NOTCH3: variants seen among roughly 807,000 people sequenced by gnomAD.
The protein encoded by NOTCH3 is neurogenic locus notch homolog protein 3.
Under a neutral mutation model 213.3 loss-of-function variants are expected in NOTCH3, and 86 were observed. The observed-to-expected ratio is 0.40, with a 90% confidence interval of 0.34 to 0.48. NOTCH3 has a LOEUF of 0.48. NOTCH3 is among the 20% of genes least tolerant of loss of function. The probability of loss-of-function intolerance (pLI) is 0.57; values close to 1 mark genes in which losing one functional copy is unlikely to be tolerated. For missense variants in NOTCH3, 2,783 were observed against 3,272.6 expected (o/e 0.85, Z 3.65); for synonymous variants, 1,354 against 1,355.9 (o/e 1.00, Z 0.03).
chr19:15,185,105 T>C lies in NOTCH3; in HGVS notation c.2297-86A>G. ...CCCCCCACCTCCCCCAACCCCAGGGTCCCCACCTTGATACCCACCTCCCAA... is the reference window on the plus strand; with the variant it reads ...CCCCCCACCTCCCCCAACCCCAGGGCCCCCACCTTGATACCCACCTCCCAA... On this transcript the variant is annotated intron_variant, in intron 14 of 32. Transcript: ENST00000263388. The surrounding 1 kb of genome is among the most constrained non-coding windows in gnomAD (Gnocchi z 4.2). 1 of 1,233,370 alleles carries C rather than the reference T, an allele frequency of 8.1e-7. No homozygotes were observed. The highest frequency in any genetic ancestry group is 2.2e-5 in the Admixed American group (1 of 45,836). The allele number at this position is 1,233,370 out of a possible 1,614,324, so 76.4% of individuals were successfully genotyped here.
rs2145428834 is a variant in NOTCH3, at chr19:15,184,998, G to A, written c.2318C>T (p.Ser773Phe). The part of the protein sequence containing the change: ...GVQGRQCELL[S>F]PCTPNPCEHG... ...CTCACAGGGGTTCGGGGTGCAGGGGGAGAGGAGTTCACACTGACGTCCTGT... is the reference window on the plus strand; with the variant it reads ...CTCACAGGGGTTCGGGGTGCAGGGGAAGAGGAGTTCACACTGACGTCCTGT... The change falls in exon 15 of 33, where the codon TCC (serine) becomes TTC (phenylalanine). Residue 773 changes from serine to phenylalanine, a missense_variant. By Grantham distance (155) the Ser-to-Phe change is radical (BLOSUM62 -2). This residue lies in a region of NOTCH3 where 861 missense variants were observed against 909.1 expected (regional missense o/e 0.95). Coordinates refer to ENST00000263388, the MANE Select transcript of NOTCH3 (RefSeq NM_000435.3). 6.5e-7 allele frequency: 1 copy of A among 1,528,792 alleles called. No individual in the cohort carries two copies. Among genetic ancestry groups the A allele is most frequent in the Non-Finnish European group, 8.8e-7 (1 of 1,131,746 alleles). The allele number at this position is 1,528,792 out of a possible 1,614,324, so 94.7% of individuals were successfully genotyped here. A position where few individuals can be genotyped will look rare whatever the true frequency, so the allele number is the denominator to read the frequency against.
intron 1 of NOTCH3, among the ~76,000 whole-genome samples, chr19:15,198,614 G>A (rs1184929730): frequency 6.6e-6 from 1 of 152,206 alleles, no homozygotes; most frequent in Non-Finnish European, 1.5e-5. Context: ...AGCTGGGCAT[G>A]GTAGCAGGTG....
chr19:15,183,550 C>T (rs2046856817), intron 16 of NOTCH3, among the ~76,000 whole-genome samples: 1 of 152,222 alleles, frequency 6.6e-6, no homozygotes, highest in African/African-American at 2.4e-5. Flanking sequence ...CAGGCATGCG[C>T]CACCATGCCC....
Position 15,188,236 on chromosome 19 carries a change from C to A in NOTCH3, c.1491G>T (p.Ser497=), listed in dbSNP as rs1317484674. 6.3e-7 allele frequency: 1 copy of A among 1,591,424 alleles called. No individual in the cohort carries two copies. The highest frequency in any genetic ancestry group is 8.6e-7 in the Non-Finnish European group (1 of 1,166,948). The change falls in exon 9 of 33, where the codon TCG becomes TCT. Residue 497 remains serine, a splice_region_variant and synonymous_variant. Transcript: ENST00000263388. ...GGCTCCCTCTCCTGAGGTCCTCACC[C>A]GAGGGGCAGGTGCAGCTGAAGCCAT... ...RVNGFSCTCP[S]GFSGSTCQLD...
intron 24 of NOTCH3, 123 bp downstream of exon 24, chr19:15,177,402 T>G: frequency 2.4e-6 from 2 of 835,054 alleles, no homozygotes; most frequent in Non-Finnish European, 4.0e-6. Context: ...GATGGGCAGA[T>G]AGAGTGCACA....
chr19:15,185,389 G>C lies in NOTCH3; in HGVS notation c.2164C>G (p.Pro722Ala), dbSNP rs755670543. ...CTGCAGCGGGGGCCACTCCAGCCAGGCTCACACACACAGCGGAACCTGGCA... is the reference window on the plus strand; with the variant it reads ...CTGCAGCGGGGGCCACTCCAGCCAGCCTCACACACACAGCGGAACCTGGCA... ...APGGFRCVCEPGWSGPRCSQS... is the reference protein window; with the variant it reads ...APGGFRCVCEAGWSGPRCSQS... Residue 722 changes from proline (P) to alanine (A), a missense_variant, in exon 14 of 33, where the codon CCT becomes GCT. Physicochemically the swap from Pro to Ala is conservative, Grantham distance 27. Around this residue, in one of 6 missense-constraint regions of NOTCH3, gnomAD observed 861 missense variants for 909.1 expected, o/e 0.95. Coordinates refer to ENST00000263388, the MANE Select transcript of NOTCH3 (RefSeq NM_000435.3). The surrounding 1 kb of genome is among the most constrained non-coding windows in gnomAD (Gnocchi z 4.2). 6.2e-7 allele frequency: 1 copy of C among 1,612,262 alleles called. No homozygotes were observed. Among genetic ancestry groups the C allele is most frequent in the South Asian group, 1.1e-5 (1 of 90,984 alleles).
chr19:15,168,293 G>A (rs1016106840), intron 28 of NOTCH3, among the ~76,000 whole-genome samples: 3 of 152,128 alleles, frequency 2.0e-5, no homozygotes, highest in Non-Finnish European at 4.4e-5. Flanking sequence ...CTTTGGGATG[G>A]GAAGGCAGAA....
At position 15,178,008 on chromosome 19, in the gene NOTCH3, G is replaced by T; in HGVS notation, c.3920C>A (p.Thr1307Lys). Residue 1307 changes from threonine (T) to lysine (K), a missense_variant, in exon 24 of 33, where the codon ACG becomes AAG. By Grantham distance (78) the Thr-to-Lys change is moderately conservative. Coordinates refer to ENST00000263388, the MANE Select transcript of NOTCH3 (RefSeq NM_000435.3). The stretch of plus-strand genomic sequence containing the variant: ...GCAGGCGCAGCGCGGCCCGCGGGGC[G>T]TCTGCTGGCATGGGACGCCCACCGG... The part of the protein sequence containing the change: ...QCPVGVPCQQ[T>K]PRGPRCACPP... 7.5e-6 allele frequency: 11 copies of T among 1,470,934 alleles called. No individual in the cohort carries two copies. The highest frequency in any genetic ancestry group is 9.9e-6 in the Non-Finnish European group (11 of 1,114,472). The allele number at this position is 1,470,934 out of a possible 1,614,324, so 91.1% of individuals were successfully genotyped here.
rs1270771520 is a variant in NOTCH3 at position 15,189,372 on chromosome 19, T to C, written c.1093A>G (p.Ile365Val). The change falls in exon 7 of 33, where the codon ATC becomes GTC. Residue 365 changes from isoleucine (I) to valine (V), a missense_variant. Ile to Val is a conservative substitution (Grantham distance 29, BLOSUM62 3). Around this residue, in one of 6 missense-constraint regions of NOTCH3, gnomAD observed 708 missense variants for 906.6 expected, o/e 0.78. Coordinates refer to ENST00000263388, the MANE Select transcript of NOTCH3 (RefSeq NM_000435.3). ...CCGTTCACCGGATTTGTGTCACAGA[T>C]AGCATCCTCGTGGCAGGGGTTGCTG... ...CVSNPCHEDA[I>V]CDTNPVNGRA... 3 of 1,613,914 alleles carry C rather than the reference T, an allele frequency of 1.9e-6. No individual in the cohort carries two copies. In the South Asian group the frequency reaches 3.3e-5, roughly 18 times the overall value.
At position 15,200,327 on chromosome 19, in the gene NOTCH3, GC is replaced by G. The variant is rs941460893; in HGVS notation, c.118+460del. Among the ~76,000 whole-genome samples, 10 of 150,794 alleles carry G rather than the reference GC, an allele frequency of 6.6e-5. No homozygotes were observed. In the East Asian group the frequency reaches 8.1e-4, roughly 12 times the overall value. ...GAGTTCAGAGCTCCCAGAACTTCGC[GC>G]CCCCTCCCCACCCCCCGCCTGGCCC... On this transcript the variant is annotated intron_variant, in intron 1 of 32. Transcript: ENST00000263388.
chr19:15,185,731 C>A lies in NOTCH3; in HGVS notation c.1952-52G>T, dbSNP rs766316985. On this transcript the variant is annotated intron_variant, in intron 12 of 32. Transcript: ENST00000263388. The surrounding 1 kb of genome is among the most constrained non-coding windows in gnomAD (Gnocchi z 4.2). ...TCAGAACAAAGTCAGCAGGGACAAC[C>A]AGGGAGGGACGACGTGACCCCACTT... 5 of 1,588,132 alleles carry A rather than the reference C, an allele frequency of 3.1e-6. No individual in the cohort carries two copies. The highest frequency in any genetic ancestry group is 1.7e-4 in the Middle Eastern group (1 of 5,878).
At chr19:15,180,365 C>T in intron 19 of NOTCH3, 109 bp from the exon 20 acceptor site, 1 of 1,215,054 alleles carries the variant, frequency 8.2e-7, no homozygotes, top group Non-Finnish European at 1.2e-6. Flanking sequence ...CCCAGGATCG[C>T]ACCCACACTC....
intron 6 of NOTCH3, 81 bp from the exon 7 acceptor site, chr19:15,189,509 CGTT>C (rs1169174966): frequency 2.3e-5 from 36 of 1,534,746 alleles, no homozygotes; most frequent in Non-Finnish European, 3.0e-5. Context: ...ATTGTTTTGT[CGTT>C]GTTGTTGTTT....
chr19:15,195,528 G>C (rs1349091993), intron 2 of NOTCH3, among the ~76,000 whole-genome samples: 1 of 150,842 alleles, frequency 6.6e-6, no homozygotes, highest in African/African-American at 2.4e-5. Context: ...AGACGCCTGA[G>C]ACTGAACTCA....
chr19:15,193,001 A>G lies in NOTCH3; in HGVS notation c.198-482T>C, dbSNP rs112272452. 3.4e-3 allele frequency among the ~76,000 whole-genome samples: 525 copies of G among 152,314 alleles called. 1 individual carries two copies. Among genetic ancestry groups the G allele is most frequent in the African/African-American group, 0.012 (488 of 41,564 alleles). On this transcript the variant is annotated intron_variant, in intron 2 of 32. Transcript: ENST00000263388. ...ACTACGTTCTGAGCAATACAAATAC[A>G]GCAACAAACACAATGAAAGGGGTCC...
Position 15,165,329 on chromosome 19 carries a change from CACCAACCCAGCTTAG to C in NOTCH3, c.5815+24_5815+38del. On this transcript the variant is annotated intron_variant, in intron 31 of 32. Transcript: ENST00000263388. This position sits in a 1 kb window ranked among gnomAD's most constrained non-coding sequence, Gnocchi z 4.7. ...AACATGACCCTCAGGGCCCAGGTGA[CACCAACCCAGCTTAG>C]ACTTGATTCCTCTGCCAACCTACCA... 2 of 1,597,690 alleles carry C rather than the reference CACCAACCCAGCTTAG, an allele frequency of 1.3e-6. No individual in the cohort carries two copies. Among genetic ancestry groups the C allele is most frequent in the South Asian group, 2.2e-5 (2 of 91,006 alleles).
intron 1 of NOTCH3, among the ~76,000 whole-genome samples, chr19:15,197,858 C>A (rs996410241): frequency 1.1e-4 from 17 of 149,192 alleles, no homozygotes; most frequent in Admixed American, 9.7e-4. Flanking sequence ...GATGTGGGGG[C>A]TCGGGAAGCT....
intron 24 of NOTCH3, among the ~76,000 whole-genome samples, chr19:15,175,330 C>CG (rs1480343840): frequency 0.16 from 22,072 of 138,086 alleles, 2,977 homozygotes; most frequent in African/African-American, 0.36. Flanking sequence ...GTCAGGAGTT[C>CG]TAGGCCAGCC....
chr19:15,200,767 C>G, intron 1 of NOTCH3, 21 bp downstream of exon 1: 1 of 1,283,650 alleles, frequency 7.8e-7, no homozygotes, highest in Non-Finnish European at 9.9e-7. Flanking sequence ...TCGTCCCATC[C>G]GCCAGGTCCC....
Sources: gnomAD v4.1 joint callset for allele counts (sites outside exome capture counted in the v4.1 genomes callset) on GRCh38, gnomAD v4.1.1 for gene constraint, gnomAD v4.1.1 regional missense constraint, Gnocchi (gnomAD v3.1) non-coding constraint, MANE v1.5 for transcripts, NCBI Gene and HGNC (gene_info 2026-07-23, HGNC 2026-07-21) for gene names.